The following CCDC171 variants were observed in gnomAD, a reference collection of about 807,000 sequenced individuals.
CCDC171 encodes the protein coiled-coil domain-containing protein 171.
In CCDC171, 177 loss-of-function variants were observed where a neutral mutation model predicts 168.2. The observed-to-expected ratio is 1.05, with a 90% CI of 0.93 to 1.19. CCDC171 has a LOEUF of 1.19. Ranked by LOEUF, CCDC171 falls within the 50% of genes most tolerant of loss-of-function variation. The pLI is 0.00. For missense variants in CCDC171, 1,991 were observed against 1,539.0 expected (o/e 1.29, Z -4.91); for synonymous variants, 687 against 540.8 (o/e 1.27, Z -3.75).
At chr9:15,952,421 A>G (rs1410426865) in intron 25 of CCDC171, among the ~76,000 whole-genome samples, 1 of 152,114 alleles carries the variant, frequency 6.6e-6, no homozygotes, top group Admixed American at 6.6e-5. Flanking sequence ...TTTTAGAGAC[A>G]GAGTCTCGCT....
At chr9:16,043,558 T>C (rs1459162198) in intron 1 of CCDC171, among the ~76,000 whole-genome samples, 1 of 152,202 alleles carries the variant, frequency 6.6e-6, no homozygotes, top group African/African-American at 2.4e-5. Context: ...TCCATGGTTC[T>C]TTTACACCTG....
chr9:16,038,813 G>A (rs1019511644), upstream of CCDC171, among the ~76,000 whole-genome samples: 1 of 137,698 alleles, frequency 7.3e-6, no homozygotes, highest in African/African-American at 2.6e-5. Flanking sequence ...GAAAATATGA[G>A]GGCAAAGAAA....
chr9:16,063,346 G>A (rs1833957076), downstream of CCDC171, among the ~76,000 whole-genome samples: 1 of 152,136 alleles, frequency 6.6e-6, no homozygotes, highest in African/African-American at 2.4e-5. Context: ...ATGGTCTGGG[G>A]ATGGGATAAC....
the CCDC171 span, among the ~76,000 whole-genome samples, chr9:16,094,923 T>C: frequency 3.3e-5 from 5 of 152,128 alleles, no homozygotes; most frequent in Non-Finnish European, 7.3e-5. Context: ...ATTTCCCCGT[T>C]GCTGTCTCAT....
At position 15,834,371 on chromosome 9, in the gene CCDC171, T is replaced by C. The variant is rs148962693; in HGVS notation, c.3268-12331T>C. Among the ~76,000 whole-genome samples, 1,013 of 152,282 alleles carry C rather than the reference T, an allele frequency of 6.7e-3. 18 individuals carry two copies. The highest frequency in any genetic ancestry group is 0.023 in the African/African-American group (956 of 41,566). Reference sequence around the variant, plus strand: ...TCATTTTAGAGGTAATTTTACCCCATGTGGGGATATGTATTCTAAATCATT... The same window carrying C: ...TCATTTTAGAGGTAATTTTACCCCACGTGGGGATATGTATTCTAAATCATT... On this transcript the variant is annotated intron_variant, in intron 21 of 25. Coordinates refer to ENST00000380701, the MANE Select transcript of CCDC171 (RefSeq NM_173550.4).
intron 9 of CCDC171, among the ~76,000 whole-genome samples, chr9:15,672,544 G>A (rs2049197603): frequency 1.3e-5 from 2 of 152,120 alleles, no homozygotes; most frequent in Admixed American, 1.3e-4. Context: ...TGTAAGGAAG[G>A]GATCCAGTTT....
rs1267013771 is a variant in CCDC171, at chr9:15,973,706, A to T, written c.*1870A>T. The T allele has an allele frequency of 6.6e-6, 1 of 152,182 alleles. No homozygotes were observed. The highest frequency in any genetic ancestry group is 1.5e-5 in the Non-Finnish European group (1 of 68,020). 9.4% of individuals were successfully genotyped at this position (152,182 alleles called of 1,614,324 possible). ...TTATTGTTTTTATACAGATCATATA[A>T]TTTCTGCACATTTCAGAACACCTTT... is the stretch of plus-strand genomic sequence containing the variant. On this transcript the variant is annotated 3_prime_UTR_variant, in exon 26 of 26. Coordinates refer to ENST00000380701, the MANE Select transcript of CCDC171 (RefSeq NM_173550.4).
intron 3 of CCDC171, among the ~76,000 whole-genome samples, chr9:16,018,185 T>C (rs1407157067): frequency 6.6e-6 from 1 of 152,192 alleles, no homozygotes; most frequent in Non-Finnish European, 1.5e-5. Context: ...TGTTAGCCTA[T>C]TAGATGAATT....
At chr9:15,567,265 C>T (rs762223226) in intron 2 of CCDC171, among the ~76,000 whole-genome samples, 32 of 152,012 alleles carry the variant, frequency 2.1e-4, no homozygotes, top group Non-Finnish European at 3.7e-4. Context: ...TGTGATCCAC[C>T]GGCCTCAGCC....
At position 15,820,647 on chromosome 9, in the gene CCDC171, G is replaced by A. The variant is rs182408371; in HGVS notation, c.3268-26055G>A. On this transcript the variant is annotated intron_variant, in intron 21 of 25. Coordinates refer to ENST00000380701, the MANE Select transcript of CCDC171 (RefSeq NM_173550.4). Reference sequence around the variant, plus strand: ...CCTAAGACTAAACCAGGAAGAATTTGAATCTCTGAATAGACAATAACAGGC... The same window carrying A: ...CCTAAGACTAAACCAGGAAGAATTTAAATCTCTGAATAGACAATAACAGGC... Among the ~76,000 whole-genome samples the A allele has an allele frequency of 2.6e-5, 3 of 117,336 alleles. 1 individual carries two copies. The East Asian group carries it at 6.4e-4, about 25-fold the overall frequency. 77.0% of individuals were successfully genotyped at this position (117,336 alleles called of 152,430 possible).
chr9:15,930,232 G>A (rs1228669168), intron 25 of CCDC171, among the ~76,000 whole-genome samples: 3 of 151,452 alleles, frequency 2.0e-5, no homozygotes, highest in East Asian at 1.9e-4. Context: ...GATTCCCTCC[G>A]AATTTTTCCC....
intron 5 of CCDC171, 150 bp downstream of exon 5, chr9:15,591,706 T>G: frequency 1.7e-6 from 1 of 575,178 alleles, no homozygotes; most frequent in Non-Finnish European, 3.1e-6. Flanking sequence ...GGGGCATATT[T>G]GCTGGTCTCT....
chr9:16,101,246 C>G, the CCDC171 span, among the ~76,000 whole-genome samples: 3 of 152,206 alleles, frequency 2.0e-5, no homozygotes, highest in African/African-American at 7.2e-5. Flanking sequence ...ACATACAGGG[C>G]ACCCAGTTAA....
chr9:15,714,475 A>G (rs1299326661), intron 11 of CCDC171, among the ~76,000 whole-genome samples: 2 of 151,972 alleles, frequency 1.3e-5, no homozygotes, highest in Non-Finnish European at 2.9e-5. Context: ...TAATTACCTG[A>G]CCTCTGTAAG....
At chr9:15,810,568 C>T (rs1006252515) in intron 21 of CCDC171, among the ~76,000 whole-genome samples, 13 of 152,160 alleles carry the variant, frequency 8.5e-5, no homozygotes, top group African/African-American at 1.2e-4. Flanking sequence ...GGCTGAGGCC[C>T]GGCGACAATT....
downstream of CCDC171, among the ~76,000 whole-genome samples, chr9:16,063,555 C>G (rs2133089851): frequency 6.6e-6 from 1 of 152,344 alleles, no homozygotes; most frequent in Admixed American, 6.5e-5. Context: ...GTTTACTCTT[C>G]TCGTTCCTTG....
chr9:15,562,510 A>G (rs1301388962), intron 1 of CCDC171, among the ~76,000 whole-genome samples: 1 of 152,156 alleles, frequency 6.6e-6, no homozygotes. Context: ...TTAGGTGCCA[A>G]AATAATGCAC....
At chr9:15,902,572 A>AGG (rs1182995513) in intron 24 of CCDC171, among the ~76,000 whole-genome samples, 1 of 144,318 alleles carries the variant, frequency 6.9e-6, no homozygotes, top group African/African-American at 2.6e-5. Context: ...ATGGCTGAAT[A>AGG]GGAACAGCTC....
chr9:15,933,721 C>T (rs1185110039), intron 25 of CCDC171, among the ~76,000 whole-genome samples: 3 of 151,766 alleles, frequency 2.0e-5, no homozygotes, highest in African/African-American at 7.3e-5. Flanking sequence ...TTAAAATGTC[C>T]CTCTTAATTT....
Sources: gnomAD v4.1 joint callset for allele counts (sites outside exome capture counted in the v4.1 genomes callset) on GRCh38, gnomAD v4.1.1 for gene constraint, MANE v1.5 for transcripts, NCBI Gene and HGNC (gene_info 2026-07-23, HGNC 2026-07-21) for gene names.